FGD2: variants seen among roughly 807,000 people sequenced by gnomAD.
The protein encoded by FGD2 is FYVE, RhoGEF and PH domain containing 2, also known as FYVE, RhoGEF and PH domain-containing protein 2.
Under a neutral mutation model 75.9 loss-of-function variants are expected in FGD2, and 52 were observed. The observed-to-expected ratio is 0.69, with a 90% CI of 0.55 to 0.86. FGD2 has a LOEUF of 0.86. Ranked by LOEUF, FGD2 falls within the 40% of genes least tolerant of loss-of-function variation. The pLI is 0.00. For synonymous variants in FGD2, 347 were observed against 348.6 expected (o/e 1.00, Z 0.05); for missense variants, 790 against 872.0 (o/e 0.91, Z 1.18).
intron 2 of FGD2, 96 bp downstream of exon 2, chr6:37,009,161 T>TC: frequency 8.2e-7 from 1 of 1,226,942 alleles, no homozygotes. Context: ...AGCCAGCAGT[T>TC]CCCCAGGTGG....
chr6:37,008,083 G>T (rs904108315), intron 1 of FGD2, among the ~76,000 whole-genome samples: 22 of 152,172 alleles, frequency 1.4e-4, no homozygotes, highest in Admixed American at 1.1e-3. Flanking sequence ...CAAAATATGG[G>T]TAATGAAAAC....
At chr6:37,015,693 C>T (rs1765250148) in intron 8 of FGD2, 75 bp from the exon 9 acceptor site, 4 of 1,397,446 alleles carry the variant, frequency 2.9e-6, no homozygotes, top group Admixed American at 2.0e-5. Context: ...CATGCTCGGC[C>T]CACCCTCGGG....
At chr6:37,011,683 G>A (rs755531675) in intron 3 of FGD2, 23 bp from the exon 4 acceptor site, 7 of 1,613,622 alleles carry the variant, frequency 4.3e-6, no homozygotes, top group African/African-American at 1.3e-5. Flanking sequence ...ACTGCAGTGA[G>A]TGACCTGTCG....
chr6:37,011,188 C>A, intron 3 of FGD2, 138 bp downstream of exon 3: 1 of 770,898 alleles, frequency 1.3e-6, no homozygotes, highest in Non-Finnish European at 2.2e-6. Flanking sequence ...GGCCCTTTAA[C>A]CTCAATGGCT....
At chr6:37,020,001 C>T (rs570344423) in intron 9 of FGD2, among the ~76,000 whole-genome samples, 2 of 151,930 alleles carry the variant, frequency 1.3e-5, no homozygotes, top group African/African-American at 2.4e-5. Context: ...GACAGGCATG[C>T]GCCACCATGT....
rs1171692295 is a variant in FGD2, at chr6:37,028,778, T to G, written c.*615T>G. ...TGTGTGCCACTGTGCCAAGCTAATT[T>G]TTTTATTTTTTGTAGAGATGGGATT... On this transcript the variant is annotated 3_prime_UTR_variant, in exon 16 of 16. Coordinates refer to ENST00000274963, the MANE Select transcript of FGD2 (RefSeq NM_173558.4). The G allele has an allele frequency of 2.0e-5, 3 of 151,796 alleles. No homozygotes were observed. Among genetic ancestry groups the G allele is most frequent in the Non-Finnish European group, 2.9e-5 (2 of 67,940 alleles). The allele number at this position is 151,796 out of a possible 1,614,324, so 9.4% of individuals were successfully genotyped here.
In FGD2 at chr6:37,027,541, AC is replaced by A. The variant is rs779408061; in HGVS notation, c.1723del (p.Leu575SerfsTer12). ...PRGWCVIPRD[D>X]PLVLYVYAAP... ...GGCTGGTGTGTGATCCCTCGGGATG[AC>A]CCCCTCGTGCTCTATGTCTATGCTG... On this transcript the variant is annotated frameshift_variant, in exon 15 of 16. Transcript: ENST00000274963. LOFTEE classifies it low-confidence loss of function (END_TRUNC). 2 of 1,613,528 alleles carry A rather than the reference AC, an allele frequency of 1.2e-6. No homozygotes were observed. Among genetic ancestry groups the A allele is most frequent in the African/African-American group, 1.3e-5 (1 of 74,720 alleles).
chr6:37,010,031 A>T (rs1466691834), intron 2 of FGD2: 2 of 150,382 alleles, frequency 1.3e-5, no homozygotes, highest in African/African-American at 4.9e-5. Context: ...AAAAAAAAAA[A>T]TGTAGGGGCT....
chr6:37,019,338 A>G (rs1251087687), intron 9 of FGD2, among the ~76,000 whole-genome samples: 1 of 152,220 alleles, frequency 6.6e-6, no homozygotes, highest in Non-Finnish European at 1.5e-5. Flanking sequence ...TGCCAAGGGC[A>G]TCGAATCCAA....
chr6:37,009,964 A>C (rs1764931450), intron 2 of FGD2: 1 of 149,218 alleles, frequency 6.7e-6, no homozygotes, highest in African/African-American at 2.5e-5. Context: ...CAGTGAGCCG[A>C]GATTGCGCCA....
At chr6:37,010,046 G>A (rs1395671875) in intron 2 of FGD2, 1 of 151,364 alleles carries the variant, frequency 6.6e-6, no homozygotes, top group African/African-American at 2.4e-5. Context: ...GGGGCTGAAT[G>A]TAACTGTTTA....
At chr6:37,026,058 C>T (rs892284063) in intron 14 of FGD2, 120 bp downstream of exon 14, 26 of 1,473,992 alleles carry the variant, frequency 1.8e-5, no homozygotes, top group Non-Finnish European at 2.2e-5. Context: ...GTCACACCCT[C>T]CCCCCTCTCC....
At chr6:37,013,886 G>T in intron 5 of FGD2, 76 bp from the exon 6 acceptor site, 2 of 1,585,122 alleles carry the variant, frequency 1.3e-6, no homozygotes, top group South Asian at 2.3e-5. Context: ...CTGCCTACTC[G>T]TCCGGCCCTC....
At chr6:37,027,773 C>A (rs1765897419) in intron 15 of FGD2, 175 bp from the exon 16 acceptor site, 2 of 1,010,258 alleles carry the variant, frequency 2.0e-6, no homozygotes, top group African/African-American at 1.6e-5. Context: ...ACTGCTTTGC[C>A]CTCAGAGGCA....
intron 13 of FGD2, chr6:37,025,078 C>A (rs1024498735): frequency 6.6e-6 from 1 of 152,448 alleles, no homozygotes; most frequent in African/African-American, 2.4e-5. Context: ...GTGTTCCTCT[C>A]TGAGTCTTCC....
intron 9 of FGD2, among the ~76,000 whole-genome samples, chr6:37,018,312 A>G (rs1156792692): frequency 2.0e-5 from 3 of 152,114 alleles, no homozygotes; most frequent in Admixed American, 6.5e-5. Context: ...AGTCTCGGCT[A>G]ACATGTCTGA....
chr6:37,025,695 C>T (rs1318422721), intron 13 of FGD2, 97 bp from the exon 14 acceptor site: 12 of 1,319,662 alleles, frequency 9.1e-6, no homozygotes, highest in Admixed American at 1.8e-5. Context: ...TCCCCCAGTC[C>T]CTGGTTGCTC....
chr6:37,021,840 G>A (rs914807867), intron 12 of FGD2: 20 of 516,946 alleles, frequency 3.9e-5, no homozygotes, highest in Admixed American at 2.4e-4. Context: ...AGTGTTTCAC[G>A]TCTCTGCAGC....
In FGD2 at chr6:37,005,760, C is replaced by G. The variant is rs1315049572; in HGVS notation, c.-58C>G. The G allele has an allele frequency of 1.3e-6, 2 of 1,585,306 alleles. No homozygotes were observed. The highest frequency in any genetic ancestry group is 2.7e-5 in the African/African-American group (2 of 74,484). ...AGGCCAGCGTGGCTGAGTGTGCTGGCTGGAGGCCTCTCTCTCTGCTTCGAG... is the reference window on the plus strand; with the variant it reads ...AGGCCAGCGTGGCTGAGTGTGCTGGGTGGAGGCCTCTCTCTCTGCTTCGAG... On this transcript the variant is annotated 5_prime_UTR_variant, in exon 1 of 16. Coordinates refer to ENST00000274963, the MANE Select transcript of FGD2 (RefSeq NM_173558.4).
Sources: gnomAD v4.1 joint callset for allele counts (sites outside exome capture counted in the v4.1 genomes callset) on GRCh38, gnomAD v4.1.1 for gene constraint, MANE v1.5 for transcripts, NCBI Gene and HGNC (gene_info 2026-07-23, HGNC 2026-07-21) for gene names.